The following CENATAC variants were observed in gnomAD, a reference collection of about 807,000 sequenced individuals.
CENATAC encodes coiled-coil domain containing 84.
CENATAC carries 53 observed loss-of-function variants against 53.7 expected under a neutral mutation model. The observed-to-expected ratio is 0.99, with a 90% CI of 0.79 to 1.24. The LOEUF (loss-of-function observed/expected upper bound fraction) is 1.24. CENATAC is among the 50% of genes most tolerant of loss of function. The pLI, the probability that CENATAC is intolerant of heterozygous loss-of-function variation, is 0.00. For missense variants in CENATAC, 474 were observed against 417.8 expected (o/e 1.13, Z -1.17); for synonymous variants, 156 against 144.6 (o/e 1.08, Z -0.57).
At chr11:119,002,788 T>C (rs1378811640) in intron 3 of CENATAC, among the ~76,000 whole-genome samples, 1 of 151,468 alleles carries the variant, frequency 6.6e-6, no homozygotes, top group Non-Finnish European at 1.5e-5. Flanking sequence ...AATAGAAATA[T>C]TTCAGGTTTT....
intron 3 of CENATAC, chr11:119,001,961 C>G (rs916559001): frequency 1.4e-5 from 3 of 213,554 alleles, no homozygotes; most frequent in African/African-American, 6.8e-5. Context: ...CAGTGGCTGA[C>G]ACCTGTAATC....
chr11:119,004,526 G>A (rs566425962), intron 3 of CENATAC: 14 of 152,312 alleles, frequency 9.2e-5, no homozygotes, highest in Admixed American at 8.5e-4. Context: ...AATTACAGGT[G>A]TGAGCCACTG....
intron 7 of CENATAC, 162 bp from the exon 8 acceptor site, chr11:119,013,070 T>G (rs1942949326): frequency 3.4e-6 from 2 of 585,182 alleles, no homozygotes; most frequent in Admixed American, 6.7e-5. Context: ...AGTGACTTAC[T>G]GTGCTTTCAA....
intron 3 of CENATAC, chr11:119,003,062 C>G: frequency 3.8e-6 from 2 of 526,436 alleles, no homozygotes; most frequent in South Asian, 2.8e-5. Flanking sequence ...TAATCAGGAG[C>G]CAGTCGAACA....
rs199765000 is a variant in CENATAC at position 119,012,053 on chromosome 11, T to C, written c.578+50T>C. On this transcript the variant is annotated intron_variant, in intron 6 of 10. Coordinates refer to ENST00000334418, the MANE Select transcript of CENATAC (RefSeq NM_198489.3). ...TTGGGAATTTGACATCTTAGAACATTCTGCAACCTTTTGCCTGGGAAATGG... is the reference window on the plus strand; with the variant it reads ...TTGGGAATTTGACATCTTAGAACATCCTGCAACCTTTTGCCTGGGAAATGG... The C allele has an allele frequency of 3.7e-6, 6 of 1,613,876 alleles. No individual in the cohort carries two copies. In the Admixed American group the frequency reaches 8.3e-5, roughly 22 times the overall value.
chr11:119,014,939 T>G, intron 8 of CENATAC, 55 bp from the exon 9 acceptor site: 5 of 1,226,200 alleles, frequency 4.1e-6, no homozygotes, highest in Non-Finnish European at 5.7e-6. Flanking sequence ...AGGACATGTT[T>G]CACAATAGCC....
chr11:119,009,314 A>C (rs1942757024), intron 3 of CENATAC, among the ~76,000 whole-genome samples: 1 of 152,134 alleles, frequency 6.6e-6, no homozygotes, highest in Non-Finnish European at 1.5e-5. Flanking sequence ...TTTTGTAGAG[A>C]CAGGGTTTCA....
chr11:119,005,444 G>A (rs895907351), intron 3 of CENATAC, among the ~76,000 whole-genome samples: 2 of 150,096 alleles, frequency 1.3e-5, no homozygotes, highest in African/African-American at 2.5e-5. Flanking sequence ...CCAGCCTGGC[G>A]ACATAGAGTG....
intron 5 of CENATAC, among the ~76,000 whole-genome samples, 194 bp from the exon 6 acceptor site, chr11:119,011,744 AG>A (rs1418983080): frequency 7.1e-6 from 1 of 140,726 alleles, no homozygotes; most frequent in Non-Finnish European, 1.6e-5. Context: ...CCTGTGTGCC[AG>A]GGGGCAGGCC....
intron 3 of CENATAC, chr11:119,002,943 G>C: frequency 2.4e-6 from 1 of 419,892 alleles, no homozygotes; most frequent in South Asian, 1.8e-5. Flanking sequence ...GCGCCACCAT[G>C]CCTTGATAAT....
At chr11:119,003,375 C>G (rs1394589873) in intron 3 of CENATAC, 4 of 527,760 alleles carry the variant, frequency 7.6e-6, no homozygotes, top group Non-Finnish European at 1.1e-5. Context: ...TTCAACACTG[C>G]CTTCTTGGCC....
At chr11:119,012,908 TG>T (rs1942939901) in intron 7 of CENATAC, 6 of 276,454 alleles carry the variant, frequency 2.2e-5, no homozygotes, top group Admixed American at 5.2e-5. Flanking sequence ...AAGTTGCAAA[TG>T]TAATTTACGT....
chr11:119,000,671 G>A lies in CENATAC; in HGVS notation c.383+1562G>A, dbSNP rs117943679. On this transcript the variant is annotated intron_variant, in intron 3 of 10. Coordinates refer to ENST00000334418, the MANE Select transcript of CENATAC (RefSeq NM_198489.3). ...CTCAGGAGGTTGAGACAGGAGAATCGCTTGAACCTGGCGAGGCAGAGGTTG... is the reference window on the plus strand; with the variant it reads ...CTCAGGAGGTTGAGACAGGAGAATCACTTGAACCTGGCGAGGCAGAGGTTG... 9.5e-3 allele frequency among the ~76,000 whole-genome samples: 1,449 copies of A among 151,914 alleles called. 10 individuals carry two copies. Among genetic ancestry groups the A allele is most frequent in the Non-Finnish European group, 0.015 (1,034 of 67,966 alleles).
intron 3 of CENATAC, chr11:119,005,599 T>G (rs1448409963): frequency 6.6e-6 from 1 of 151,922 alleles, no homozygotes; most frequent in Non-Finnish European, 1.5e-5. Context: ...CAAGCCACTG[T>G]GCCCAGCCAG....
At chr11:119,011,185 G>A in intron 4 of CENATAC, 36 bp from the exon 5 acceptor site, 1 of 1,591,092 alleles carries the variant, frequency 6.3e-7, no homozygotes, top group South Asian at 1.1e-5. Context: ...TGGCCCCCAT[G>A]ATCCTGTACC....
intron 7 of CENATAC, chr11:119,012,965 G>A (rs1942943679): frequency 2.5e-6 from 1 of 395,788 alleles, no homozygotes; most frequent in Non-Finnish European, 4.5e-6. Context: ...TGCTGTGAGG[G>A]CAAGGTTTTG....
At chr11:119,013,626 G>A (rs959068127) in intron 8 of CENATAC, among the ~76,000 whole-genome samples, 1 of 151,938 alleles carries the variant, frequency 6.6e-6, no homozygotes, top group African/African-American at 2.4e-5. Flanking sequence ...ACTACGCCCA[G>A]CTAATTTTTT....
chr11:119,015,736 TC>T lies in CENATAC; in HGVS notation c.*140del, dbSNP rs1323503005. 20 of 1,282,126 alleles carry T rather than the reference TC, an allele frequency of 1.6e-5. No homozygotes were observed. Among genetic ancestry groups the T allele is most frequent in the Non-Finnish European group, 2.2e-5 (20 of 899,250 alleles). The allele number at this position is 1,282,126 out of a possible 1,614,324, so 79.4% of individuals were successfully genotyped here. A position where few individuals can be genotyped will look rare whatever the true frequency, so the allele number is the denominator to read the frequency against. On this transcript the variant is annotated 3_prime_UTR_variant, in exon 11 of 11. Transcript: ENST00000334418. ...ATTTGATTTAATAAAGTTTTATTTT[TC>T]CAAATGTACAGCTGGTTGGACCTGT...
At position 118,998,279 on chromosome 11, in the gene CENATAC, C is replaced by T; in HGVS notation, c.82C>T (p.Arg28Trp). Reference protein sequence around the residue: ...RGHVYSRKHQRQLKEALERLL... With the variant: ...RGHVYSRKHQWQLKEALERLL... ...GCACGTTTACAGCCGCAAGCACCAG[C>T]GGCAGCTGAAGGAGGCTTTGGAGAG... Residue 28 changes from arginine (R) to tryptophan (W), a missense_variant, in exon 1 of 11, where the codon CGG (arginine) becomes TGG (tryptophan). Transcript: ENST00000334418. The T allele has an allele frequency of 6.2e-7, 1 of 1,601,054 alleles. No individual in the cohort carries two copies. Among genetic ancestry groups the T allele is most frequent in the Non-Finnish European group, 8.5e-7 (1 of 1,174,104 alleles).
Sources: allele counts gnomAD v4.1 joint callset (sites outside exome capture counted in the v4.1 genomes callset), GRCh38; gene constraint gnomAD v4.1.1; transcripts MANE v1.5; gene names NCBI Gene and HGNC (gene_info 2026-07-23, HGNC 2026-07-21).